Variants in CAMK4 observed in about 807,000 individuals in gnomAD.
CAMK4 encodes the protein calcium/calmodulin-dependent protein kinase type IV.
CAMK4 carries 22 observed loss-of-function variants against 44.9 expected under a neutral mutation model. The observed-to-expected ratio is 0.49, with a 90% CI of 0.35 to 0.70. The LOEUF is 0.70. Ranked by LOEUF, CAMK4 falls within the 30% of genes least tolerant of loss-of-function variation. CAMK4 has a pLI of 0.01. For missense variants in CAMK4, 498 were observed against 586.8 expected (o/e 0.85, Z 1.56); for synonymous variants, 218 against 215.4 (o/e 1.01, Z -0.11).
Position 111,478,503 on chromosome 5 carries a change from A to G in CAMK4, c.824A>G (p.Asp275Gly). 6.6e-7 allele frequency: 1 copy of G among 1,524,080 alleles called. No individual in the cohort carries two copies. The highest frequency in any genetic ancestry group is 1.2e-5 in the South Asian group (1 of 83,658). The allele number at this position is 1,524,080 out of a possible 1,614,324, so 94.4% of individuals were successfully genotyped here. ...WWDEVSLNAK[D>G]LVRKLIVLDP... The stretch of plus-strand genomic sequence containing the variant: ...GATGAAGTATCTCTAAATGCCAAGG[A>G]CTTGGTAAGTGTAACCAAAACAAAA... The change falls in exon 9 of 11, where the codon GAC becomes GGC. Residue 275 changes from aspartate to glycine, a missense_variant. Transcript: ENST00000282356.
chr5:111,299,441 C>T (rs1747629132), intron 1 of CAMK4, among the ~76,000 whole-genome samples: 2 of 152,334 alleles, frequency 1.3e-5, no homozygotes, highest in South Asian at 4.1e-4. Context: ...CCGCTTGGAC[C>T]TCAGCTTGGG....
intron 5 of CAMK4, among the ~76,000 whole-genome samples, chr5:111,437,728 A>G (rs1424461305): frequency 6.6e-6 from 1 of 152,172 alleles, no homozygotes; most frequent in Non-Finnish European, 1.5e-5. Context: ...GAAAGAGATG[A>G]AGGATTTTGA....
At chr5:111,253,647 C>G (rs1181596446) in intron 1 of CAMK4, among the ~76,000 whole-genome samples, 1 of 152,052 alleles carries the variant, frequency 6.6e-6, no homozygotes, top group Non-Finnish European at 1.5e-5. Context: ...TGCTAAAATG[C>G]TTAGCTACAA....
intron 9 of CAMK4, among the ~76,000 whole-genome samples, chr5:111,480,031 C>G (rs1755377286): frequency 6.6e-6 from 1 of 151,990 alleles, no homozygotes; most frequent in South Asian, 2.1e-4. Flanking sequence ...AAATCCAAAA[C>G]CCATAACAAG....
intron 4 of CAMK4, among the ~76,000 whole-genome samples, chr5:111,379,915 C>A (rs1047676821): frequency 6.6e-5 from 10 of 152,010 alleles, no homozygotes; most frequent in African/African-American, 2.4e-4. Flanking sequence ...TTACATAGGA[C>A]AGTTTATTAG....
At chr5:111,260,013 C>A (rs1749909312) in intron 1 of CAMK4, among the ~76,000 whole-genome samples, 1 of 152,158 alleles carries the variant, frequency 6.6e-6, no homozygotes, top group South Asian at 2.1e-4. Context: ...TACACTTGTA[C>A]AATAAATTCT....
At position 111,330,564 on chromosome 5, in the gene CAMK4, A is replaced by C. The variant is rs543275992; in HGVS notation, c.162-13460A>C. 1.6e-3 allele frequency among the ~76,000 whole-genome samples: 246 copies of C among 151,802 alleles called. 1 individual carries two copies. Among genetic ancestry groups the C allele is most frequent in the African/African-American group, 5.4e-3 (225 of 41,506 alleles). ...TCTAAGTGTTACAAGGAAAAGTAGA[A>C]TAACCAGAATACCCCAAGTTATAAT... On this transcript the variant is annotated intron_variant, in intron 1 of 10. Transcript: ENST00000282356.
chr5:111,382,800 A>G (rs1252536390), intron 4 of CAMK4, among the ~76,000 whole-genome samples: 2 of 152,206 alleles, frequency 1.3e-5, no homozygotes, highest in African/African-American at 2.4e-5. Flanking sequence ...CTACCATGTC[A>G]TGCTGCTGCA....
chr5:111,297,458 G>T (rs1049338645), intron 1 of CAMK4, among the ~76,000 whole-genome samples: 4 of 152,148 alleles, frequency 2.6e-5, no homozygotes, highest in African/African-American at 9.7e-5. Flanking sequence ...GTGGCTCTCA[G>T]TGTCCTGCTG....
At chr5:111,344,401 TA>T (rs1749781120) in intron 2 of CAMK4, among the ~76,000 whole-genome samples, 2 of 107,660 alleles carry the variant, frequency 1.9e-5, no homozygotes, top group East Asian at 5.4e-4. Flanking sequence ...AGATTTTATA[TA>T]TATATATATG....
At chr5:111,284,224 A>G (rs1348043776) in intron 1 of CAMK4, among the ~76,000 whole-genome samples, 2 of 152,188 alleles carry the variant, frequency 1.3e-5, no homozygotes, top group Admixed American at 6.5e-5. Flanking sequence ...ATAGGCAACA[A>G]ATACTTTATA....
intron 1 of CAMK4, among the ~76,000 whole-genome samples, chr5:111,242,262 G>A (rs1002801925): frequency 6.6e-6 from 1 of 152,028 alleles, no homozygotes; most frequent in Non-Finnish European, 1.5e-5. Flanking sequence ...ATAACCCTGG[G>A]CAAGTCACTT....
chr5:111,374,598 A>G (rs1247698496), intron 2 of CAMK4, among the ~76,000 whole-genome samples: 1 of 152,110 alleles, frequency 6.6e-6, no homozygotes. Context: ...TTTGATAGGA[A>G]AGTGGGGAAG....
chr5:111,330,865 A>C (rs571423869), intron 1 of CAMK4, among the ~76,000 whole-genome samples: 7 of 151,844 alleles, frequency 4.6e-5, no homozygotes, highest in African/African-American at 1.4e-4. Context: ...GAGGCAGTGC[A>C]ATGGGGAAAG....
intron 1 of CAMK4, among the ~76,000 whole-genome samples, chr5:111,266,934 T>C (rs1750274074): frequency 6.6e-6 from 1 of 152,236 alleles, no homozygotes; most frequent in Admixed American, 6.5e-5. Context: ...TTCCCTTGCC[T>C]CTCAGTCGAT....
At chr5:111,419,107 G>C (rs988492554) in intron 5 of CAMK4, among the ~76,000 whole-genome samples, 82 of 152,232 alleles carry the variant, frequency 5.4e-4, no homozygotes, top group Non-Finnish European at 1.0e-3. Context: ...AGCACCTGTT[G>C]TTTCCTGAAT....
intron 5 of CAMK4, among the ~76,000 whole-genome samples, chr5:111,445,168 G>A (rs1753981188): frequency 6.6e-6 from 1 of 152,062 alleles, no homozygotes; most frequent in African/African-American, 2.4e-5. Flanking sequence ...TGTATTACTT[G>A]TAACTTTTTA....
chr5:111,375,174 G>T (rs947322073), intron 3 of CAMK4, among the ~76,000 whole-genome samples: 3 of 151,986 alleles, frequency 2.0e-5, no homozygotes, highest in African/African-American at 7.3e-5. Context: ...GATAAAAATC[G>T]AAGAGTTTTG....
chr5:111,419,338 T>A (rs1752935066), intron 5 of CAMK4, among the ~76,000 whole-genome samples: 1 of 152,236 alleles, frequency 6.6e-6, no homozygotes, highest in African/African-American at 2.4e-5. Context: ...AGATTCTGGA[T>A]ATTAGCCCTT....
Sources: allele counts gnomAD v4.1 joint callset (sites outside exome capture counted in the v4.1 genomes callset), GRCh38; gene constraint gnomAD v4.1.1; transcripts MANE v1.5; gene names NCBI Gene and HGNC (gene_info 2026-07-23, HGNC 2026-07-21).